ARHGEF28: variants seen among roughly 807,000 people sequenced by gnomAD.
The protein encoded by ARHGEF28 is 190 kDa guanine nucleotide exchange factor.
In ARHGEF28, 152 loss-of-function variants were observed where a neutral mutation model predicts 206.6. The observed-to-expected ratio is 0.74, with a 90% CI of 0.64 to 0.84. ARHGEF28 has a LOEUF of 0.84. Among genes scored for constraint, ARHGEF28 ranks in the 40% least tolerant of loss-of-function variants. The pLI is 0.00. For synonymous variants in ARHGEF28, 763 were observed against 776.4 expected (o/e 0.98, Z 0.29); for missense variants, 2,028 against 2,073.2 (o/e 0.98, Z 0.42).
At chr5:73,784,183 G>C (rs960112444) in intron 7 of ARHGEF28, among the ~76,000 whole-genome samples, 1 of 151,242 alleles carries the variant, frequency 6.6e-6, no homozygotes, top group African/African-American at 2.4e-5. Flanking sequence ...TCTATTAGAA[G>C]ATTCTTAGTA....
In ARHGEF28 at chr5:73,900,499, G is replaced by A. The variant is rs930679682; in HGVS notation, c.3974-685G>A. Reference sequence around the variant, plus strand: ...TGTATTTGGTACTTAAAAATATTTCGGGACTAGTTTCTATGTTTTCATAGT... The same window carrying A: ...TGTATTTGGTACTTAAAAATATTTCAGGACTAGTTTCTATGTTTTCATAGT... On this transcript the variant is annotated intron_variant, in intron 30 of 35. Coordinates refer to ENST00000513042, the MANE Select transcript of ARHGEF28 (RefSeq NM_001177693.2). 3 of 152,088 alleles carry A rather than the reference G, an allele frequency of 2.0e-5. No homozygotes were observed. In the East Asian group the frequency reaches 5.8e-4, roughly 29 times the overall value. 9.4% of individuals were successfully genotyped at this position (152,088 alleles called of 1,614,324 possible).
At chr5:73,739,660 A>T (rs957071826) in intron 2 of ARHGEF28, among the ~76,000 whole-genome samples, 4 of 151,488 alleles carry the variant, frequency 2.6e-5, no homozygotes, top group South Asian at 4.2e-4. Context: ...TCTACCAAAA[A>T]ATTAGCTGGG....
intron 35 of ARHGEF28, among the ~76,000 whole-genome samples, chr5:73,925,774 T>C (rs1763762630): frequency 6.6e-6 from 1 of 152,336 alleles, no homozygotes. Flanking sequence ...AACCATGTTG[T>C]TGCATGAGCC....
chr5:73,742,806 GGGC>G (rs1230675405), intron 2 of ARHGEF28, among the ~76,000 whole-genome samples: 1 of 147,806 alleles, frequency 6.8e-6, no homozygotes, highest in Non-Finnish European at 1.5e-5. Flanking sequence ...AGTCCGGCCT[GGGC>G]GACAGAGCGA....
intron 2 of ARHGEF28, among the ~76,000 whole-genome samples, chr5:73,712,862 G>A (rs1362500072): frequency 2.6e-5 from 4 of 152,044 alleles, no homozygotes; most frequent in Non-Finnish European, 5.9e-5. Context: ...TAAGTAAGTT[G>A]TATGATAATA....
chr5:73,871,891 T>C (rs1760128635), intron 21 of ARHGEF28, among the ~76,000 whole-genome samples: 1 of 152,236 alleles, frequency 6.6e-6, no homozygotes, highest in Non-Finnish European at 1.5e-5. Flanking sequence ...TCACCTAGCA[T>C]ACTGTTTTTA....
At chr5:73,827,099 G>A (rs755106654) in intron 9 of ARHGEF28, among the ~76,000 whole-genome samples, 2 of 152,158 alleles carry the variant, frequency 1.3e-5, no homozygotes, top group Non-Finnish European at 2.9e-5. Context: ...CATTTCATGA[G>A]AGCTCATCCT....
chr5:73,888,858 G>T (rs1207170291), intron 26 of ARHGEF28, among the ~76,000 whole-genome samples: 1 of 152,132 alleles, frequency 6.6e-6, no homozygotes, highest in African/African-American at 2.4e-5. Context: ...CCAAATGGCA[G>T]AATGAAGACA....
At chr5:73,887,904 G>A (rs550984659) in intron 26 of ARHGEF28, among the ~76,000 whole-genome samples, 21 of 152,324 alleles carry the variant, frequency 1.4e-4, no homozygotes, top group Non-Finnish European at 2.5e-4. Flanking sequence ...TACTCAGCTG[G>A]TTCAGCAGTG....
intron 1 of ARHGEF28, among the ~76,000 whole-genome samples, chr5:73,647,874 G>A (rs1265901004): frequency 6.6e-6 from 1 of 152,212 alleles, no homozygotes; most frequent in Admixed American, 6.5e-5. Flanking sequence ...TGCATGTAAT[G>A]ATCTGTTTTA....
chr5:73,743,349 A>G (rs908371652), intron 2 of ARHGEF28, among the ~76,000 whole-genome samples: 1 of 151,998 alleles, frequency 6.6e-6, no homozygotes, highest in Non-Finnish European at 1.5e-5. Context: ...TGTTACATTT[A>G]TGTCCTCATT....
intron 1 of ARHGEF28, among the ~76,000 whole-genome samples, chr5:73,650,552 G>A (rs1744747179): frequency 6.6e-6 from 1 of 151,702 alleles, no homozygotes; most frequent in African/African-American, 2.4e-5. Flanking sequence ...CAAAGTGCTG[G>A]GATTACAGGT....
At chr5:73,894,728 C>T (rs962038879) in intron 29 of ARHGEF28, among the ~76,000 whole-genome samples, 153 bp downstream of exon 29, 7 of 151,920 alleles carry the variant, frequency 4.6e-5, no homozygotes, top group Non-Finnish European at 8.8e-5. Context: ...TAGAAATAGC[C>T]AAATATAAAG....
chr5:73,690,235 G>A (rs1362078191), intron 2 of ARHGEF28, among the ~76,000 whole-genome samples: 1 of 151,896 alleles, frequency 6.6e-6, no homozygotes, highest in Non-Finnish European at 1.5e-5. Flanking sequence ...CTTTGAGAGA[G>A]GAAGAGATTT....
At chr5:73,741,393 A>G (rs75173529) in intron 2 of ARHGEF28, among the ~76,000 whole-genome samples, 215 of 8,858 alleles carry the variant, frequency 0.024, no homozygotes, top group African/African-American at 0.03. Flanking sequence ...GTGTATATAT[A>G]TATATATATA....
intron 2 of ARHGEF28, among the ~76,000 whole-genome samples, chr5:73,715,758 G>A (rs953143695): frequency 1.3e-5 from 2 of 152,162 alleles, no homozygotes; most frequent in Non-Finnish European, 2.9e-5. Flanking sequence ...ATCGTGATAC[G>A]CTGTTCACTT....
At chr5:73,904,471 TC>T (rs1193481768) in intron 33 of ARHGEF28, 66 bp downstream of exon 33, 1 of 1,471,834 alleles carries the variant, frequency 6.8e-7, no homozygotes, top group African/African-American at 1.4e-5. Flanking sequence ...CTTTGATGAT[TC>T]CCAGACTTTA....
At chr5:73,934,846 G>A (rs747037619) in intron 35 of ARHGEF28, among the ~76,000 whole-genome samples, 12 of 152,064 alleles carry the variant, frequency 7.9e-5, no homozygotes, top group East Asian at 1.9e-4. Context: ...TTCTTTTATC[G>A]TCAATATCTA....
intron 9 of ARHGEF28, among the ~76,000 whole-genome samples, chr5:73,812,169 C>T (rs1246029493): frequency 1.3e-5 from 2 of 152,132 alleles, no homozygotes; most frequent in Non-Finnish European, 2.9e-5. Flanking sequence ...TAAGTGGTCT[C>T]TCCCCTTTCT....
Sources: allele counts gnomAD v4.1 joint callset (sites outside exome capture counted in the v4.1 genomes callset), GRCh38; gene constraint gnomAD v4.1.1; transcripts MANE v1.5; gene names NCBI Gene and HGNC (gene_info 2026-07-23, HGNC 2026-07-21).